THOC3: variants seen among roughly 807,000 people sequenced by gnomAD.
THOC3 encodes the protein THO complex subunit 3.
Under a neutral mutation model 23.3 loss-of-function variants are expected in THOC3, and 4 were observed. That is an observed-to-expected ratio of 0.17 (90% CI 0.08 to 0.39). The LOEUF (loss-of-function observed/expected upper bound fraction) is 0.39. THOC3 is among the 10% of genes least tolerant of loss of function. THOC3 has a pLI of 1.00. For missense variants in THOC3, 64 were observed against 359.4 expected (o/e 0.18, Z 6.65); for synonymous variants, 27 against 141.5 (o/e 0.19, Z 5.74).
chr5:175,965,383 T>A, intron 2 of THOC3: 1 of 575,852 alleles, frequency 1.7e-6, no homozygotes, highest in Non-Finnish European at 3.1e-6. Context: ...CACTTTATTA[T>A]CTCCATTTAT....
At chr5:175,963,405 T>C (rs1756703528) in intron 3 of THOC3, among the ~76,000 whole-genome samples, 1 of 152,192 alleles carries the variant, frequency 6.6e-6, no homozygotes, top group Admixed American at 6.5e-5. Flanking sequence ...CTAGGGTATC[T>C]AGGGGCTGCA....
Position 175,966,779 on chromosome 5 carries a change from C to CCCTG in THOC3, c.424+328_424+331dup, listed in dbSNP as rs1484562826. On this transcript the variant is annotated intron_variant, in intron 2 of 5. Transcript: ENST00000265097. ...AATGTCCCATTCCCCACCCACAGCA[C>CCCTG]CCTGACCACTCAACTCCTATGGCTA... 2.0e-5 allele frequency among the ~76,000 whole-genome samples: 3 copies of CCCTG among 151,598 alleles called. No individual in the cohort carries two copies. The East Asian group carries it at 5.8e-4, about 29-fold the overall frequency.
At chr5:175,965,595 T>G (rs1756750115) in intron 2 of THOC3, among the ~76,000 whole-genome samples, 1 of 152,232 alleles carries the variant, frequency 6.6e-6, no homozygotes, top group African/African-American at 2.4e-5. Context: ...AGGCTAATTT[T>G]TTTGTATTTT....
At chr5:175,960,592 G>T (rs1756643780) in intron 5 of THOC3, 1 of 116,192 alleles carries the variant, frequency 8.6e-6, no homozygotes, top group Non-Finnish European at 1.8e-5. Context: ...CAAATCTGAG[G>T]AAATTCTTTT....
intron 1 of THOC3, 99 bp from the exon 2 acceptor site, chr5:175,967,366 AAG>A (rs1434762548): frequency 3.7e-5 from 18 of 490,018 alleles, no homozygotes; most frequent in Admixed American, 1.2e-4. Context: ...GGGACCAGTA[AAG>A]ATCTGGGTAA....
Position 175,965,061 on chromosome 5 carries a change from G to T in THOC3, c.519C>A (p.His173Gln). Reference protein sequence around the residue: ...DVVTFIDAKTHRSKAEEQFKF... With the variant: ...DVVTFIDAKTQRSKAEEQFKF... ...TGAACTGCTCTTCTGCTTTGGAACGGTGTGTCTTGGCATCAATAAAGGTCA... is the reference window on the plus strand; with the variant it reads ...TGAACTGCTCTTCTGCTTTGGAACGTTGTGTCTTGGCATCAATAAAGGTCA... Residue 173 changes from histidine (H) to glutamine (Q), a missense_variant, in exon 3 of 6, where the codon CAC (histidine) becomes CAA (glutamine). Coordinates refer to ENST00000265097, the MANE Select transcript of THOC3 (RefSeq NM_032361.4). 1 of 1,578,118 alleles carries T rather than the reference G, an allele frequency of 6.3e-7. No homozygotes were observed. Among genetic ancestry groups the T allele is most frequent in the East Asian group, 2.2e-5 (1 of 44,596 alleles).
Position 175,968,037 on chromosome 5 carries a change from C to A in THOC3, c.172G>T (p.Val58Leu). The change falls in exon 1 of 6, where the codon GTG becomes TTG. Residue 58 changes from valine (V) to leucine (L), a missense_variant. Coordinates refer to ENST00000265097, the MANE Select transcript of THOC3 (RefSeq NM_032361.4). Reference protein sequence around the residue: ...TREFLAHSAKVHSVAWSCDGR... With the variant: ...TREFLAHSAKLHSVAWSCDGR... The stretch of plus-strand genomic sequence containing the variant: ...TCGCAACTCCAGGCCACCGAGTGCA[C>A]CTTGGCGCTGTGCGCCAGGAACTCG... The A allele has an allele frequency of 6.2e-7, 1 of 1,611,328 alleles. No homozygotes were observed. The highest frequency in any genetic ancestry group is 8.5e-7 in the Non-Finnish European group (1 of 1,179,730).
intron 3 of THOC3, among the ~76,000 whole-genome samples, chr5:175,961,960 A>T (rs1187819471): frequency 1.0e-4 from 15 of 150,714 alleles, no homozygotes; most frequent in African/African-American, 3.4e-4. Context: ...ATGAGCTTCA[A>T]TTAAAAAAAT....
chr5:175,962,479 C>T (rs1372013319), intron 3 of THOC3, among the ~76,000 whole-genome samples: 1 of 114,586 alleles, frequency 8.7e-6, no homozygotes, highest in Non-Finnish European at 1.8e-5. Flanking sequence ...AATGAACATT[C>T]CTAACTTCAG....
chr5:175,965,710 C>G (rs1447916147), intron 2 of THOC3, among the ~76,000 whole-genome samples: 1 of 152,258 alleles, frequency 6.6e-6, no homozygotes, highest in African/African-American at 2.4e-5. Flanking sequence ...CAGGCGTGAG[C>G]CACCGTGCCC....
chr5:175,962,072 A>G (rs999187713), intron 3 of THOC3, among the ~76,000 whole-genome samples: 1 of 152,048 alleles, frequency 6.6e-6, no homozygotes, highest in Non-Finnish European at 1.5e-5. Context: ...ACATCTGCAC[A>G]TGCTTACAAC....
intron 3 of THOC3, among the ~76,000 whole-genome samples, chr5:175,963,416 C>T (rs1191262232): frequency 2.6e-5 from 4 of 151,614 alleles, no homozygotes; most frequent in South Asian, 2.1e-4. Flanking sequence ...AGGGGCTGCA[C>T]ATGTGGTAGA....
At position 175,965,334 on chromosome 5, in the gene THOC3, CA is replaced by C. The variant is rs562531764; in HGVS notation, c.425-180del. The C allele has an allele frequency of 1.4e-3, 1,356 of 955,322 alleles. No homozygotes were observed. In the African/African-American group the frequency reaches 0.019, roughly 14 times the overall value. The allele number at this position is 955,322 out of a possible 1,614,324, so 59.2% of individuals were successfully genotyped here. ...AATAAGTCCAGAACTTTCATCTACA[CA>C]TTTCCCCATTTGGTCTTCACAATAC... On this transcript the variant is annotated intron_variant, in intron 2 of 5. Transcript: ENST00000265097.
chr5:175,965,199 A>G (rs1351678678), intron 2 of THOC3, 44 bp from the exon 3 acceptor site: 2 of 1,612,556 alleles, frequency 1.2e-6, no homozygotes, highest in South Asian at 2.2e-5. Flanking sequence ...GTTTGCTCAT[A>G]ATCTTCCACA....
chr5:175,961,871 G>C (rs1333155555), intron 3 of THOC3, among the ~76,000 whole-genome samples: 1 of 152,090 alleles, frequency 6.6e-6, no homozygotes, highest in East Asian at 1.9e-4. Flanking sequence ...GTAAGTTTTA[G>C]AAGTACGTAA....
intron 3 of THOC3, among the ~76,000 whole-genome samples, chr5:175,964,421 C>G (rs1347618213): frequency 2.1e-4 from 32 of 152,244 alleles, no homozygotes; most frequent in Admixed American, 1.4e-3. Flanking sequence ...GAGTTGGAGA[C>G]CAGCCTGACC....
intron 2 of THOC3, among the ~76,000 whole-genome samples, chr5:175,965,570 G>A (rs1313610200): frequency 9.2e-5 from 14 of 152,224 alleles, no homozygotes; most frequent in Admixed American, 7.2e-4. Flanking sequence ...GACTACAGGC[G>A]CCTGCCACCA....
chr5:175,962,217 A>G (rs1230041564), intron 3 of THOC3, among the ~76,000 whole-genome samples: 2 of 148,148 alleles, frequency 1.3e-5, no homozygotes, highest in African/African-American at 2.5e-5. Flanking sequence ...TATGTTTACC[A>G]TGGGAGATAG....
intron 3 of THOC3, among the ~76,000 whole-genome samples, chr5:175,962,954 A>C (rs1756694815): frequency 6.6e-6 from 1 of 152,090 alleles, no homozygotes; most frequent in Admixed American, 6.5e-5. Context: ...GGTCTCAGGA[A>C]CCAACTTGAA....
Sources: allele counts gnomAD v4.1 joint callset (sites outside exome capture counted in the v4.1 genomes callset), GRCh38; gene constraint gnomAD v4.1.1; transcripts MANE v1.5; gene names NCBI Gene and HGNC (gene_info 2026-07-23, HGNC 2026-07-21).